The following MYRIP variants were observed in gnomAD, a reference collection of about 807,000 sequenced individuals.
MYRIP encodes the protein rab effector MyRIP.
MYRIP carries 49 observed loss-of-function variants against 98.0 expected under a neutral mutation model. The observed-to-expected ratio is 0.50, with a 90% CI of 0.40 to 0.63. The LOEUF (loss-of-function observed/expected upper bound fraction) is 0.63, where lower values mean the gene tolerates loss of function less well. MYRIP is among the 30% of genes least tolerant of loss of function. The probability of loss-of-function intolerance (pLI) is 0.00; values close to 1 mark genes in which losing one functional copy is unlikely to be tolerated. For missense variants in MYRIP, 1,004 were observed against 1,058.2 expected, an observed-to-expected ratio of 0.95 and a Z score of 0.71; for synonymous variants, 404 against 409.5, an observed-to-expected ratio of 0.99 and a Z score of 0.16.
At chr3:40,012,597 G>A (rs1198700222) in intron 2 of MYRIP, among the ~76,000 whole-genome samples, 1 of 152,222 alleles carries the variant, frequency 6.6e-6, no homozygotes, top group Non-Finnish European at 1.5e-5. Flanking sequence ...GGTGGACTTA[G>A]TGAAGCAGAT....
chr3:40,069,147 A>G (rs1237188025), intron 3 of MYRIP, among the ~76,000 whole-genome samples: 4 of 152,180 alleles, frequency 2.6e-5, no homozygotes, highest in East Asian at 3.8e-4. Context: ...AAGTGGGTTC[A>G]GTAACACTAC....
intron 2 of MYRIP, among the ~76,000 whole-genome samples, chr3:39,997,908 A>C (rs191053009): frequency 6.6e-6 from 1 of 152,334 alleles, no homozygotes; most frequent in East Asian, 1.9e-4. Context: ...ATAATCCAGC[A>C]CATAAACAGA....
chr3:40,026,169 G>A (rs1392025985), intron 2 of MYRIP, among the ~76,000 whole-genome samples: 2 of 152,038 alleles, frequency 1.3e-5, no homozygotes, highest in Non-Finnish European at 1.5e-5. Flanking sequence ...TCTTTTCCTA[G>A]GGTCTTAATA....
intron 3 of MYRIP, among the ~76,000 whole-genome samples, chr3:40,066,125 C>T (rs571590607): frequency 1.1e-4 from 16 of 152,226 alleles, no homozygotes; most frequent in African/African-American, 2.2e-4. Flanking sequence ...CAGTGTTGCT[C>T]GTCATTTCAG....
chr3:39,886,624 A>C (rs565034303), intron 1 of MYRIP, among the ~76,000 whole-genome samples: 11 of 152,174 alleles, frequency 7.2e-5, no homozygotes, highest in African/African-American at 2.7e-4. Context: ...GGATCAATTC[A>C]ACAAGAAGAG....
intron 3 of MYRIP, among the ~76,000 whole-genome samples, chr3:40,087,604 T>A (rs997241119): frequency 6.6e-6 from 1 of 152,182 alleles, no homozygotes; most frequent in African/African-American, 2.4e-5. Flanking sequence ...TTTAACTAGT[T>A]CTCCAGGGGA....
At chr3:40,075,270 AGT>A (rs1330789105) in intron 3 of MYRIP, among the ~76,000 whole-genome samples, 1 of 152,242 alleles carries the variant, frequency 6.6e-6, no homozygotes, top group Non-Finnish European at 1.5e-5. Context: ...CTTACAAAAG[AGT>A]GGCAAAGATA....
chr3:40,127,094 A>G (rs1949539724), intron 3 of MYRIP, among the ~76,000 whole-genome samples: 2 of 152,244 alleles, frequency 1.3e-5, no homozygotes, highest in South Asian at 4.1e-4. Context: ...TGGTCCATAT[A>G]GAATAACAAC....
Position 40,074,136 on chromosome 3 carries a change from G to A in MYRIP, c.332+29865G>A, listed in dbSNP as rs565616831. Among the ~76,000 whole-genome samples the A allele has an allele frequency of 1.2e-3, 186 of 151,094 alleles. 2 individuals are homozygous for A. The South Asian group carries it at 0.035, about 28-fold the overall frequency. ...GTCACCCAGGTTGGAGTGCAGTGGC[G>A]CGATCTCGGCTCACTGCAAGCTCCA... On this transcript the variant is annotated intron_variant, in intron 3 of 16. Transcript: ENST00000302541.
rs183573517 is a variant in MYRIP at position 40,094,124 on chromosome 3, C to T, written c.332+49853C>T. Reference sequence around the variant, plus strand: ...CATGCCACAACTCCATCATCACAGACTGCTATCCAGTGAGTTTATGTCCAT... The same window carrying T: ...CATGCCACAACTCCATCATCACAGATTGCTATCCAGTGAGTTTATGTCCAT... On this transcript the variant is annotated intron_variant, in intron 3 of 16. Coordinates refer to ENST00000302541, the MANE Select transcript of MYRIP (RefSeq NM_015460.4). 7.9e-4 allele frequency among the ~76,000 whole-genome samples: 121 copies of T among 152,356 alleles called. 3 individuals carry two copies. The highest frequency in any genetic ancestry group is 7.9e-3 in the Admixed American group (121 of 15,304).
intron 1 of MYRIP, among the ~76,000 whole-genome samples, chr3:39,824,600 G>A (rs1006890645): frequency 3.9e-5 from 6 of 151,920 alleles, no homozygotes; most frequent in Non-Finnish European, 7.4e-5. Flanking sequence ...CTAGGAACCA[G>A]GTATTTTGTT....
chr3:40,136,647 C>T (rs1949779191), intron 3 of MYRIP, among the ~76,000 whole-genome samples: 1 of 151,366 alleles, frequency 6.6e-6, no homozygotes, highest in African/African-American at 2.4e-5. Flanking sequence ...AAACACTCCT[C>T]AGCAAATGTA....
intron 3 of MYRIP, among the ~76,000 whole-genome samples, chr3:40,123,674 T>C (rs1949456008): frequency 6.6e-6 from 1 of 152,208 alleles, no homozygotes; most frequent in Non-Finnish European, 1.5e-5. Flanking sequence ...CATTGTGAGC[T>C]GATCCCTCAA....
intron 1 of MYRIP, among the ~76,000 whole-genome samples, chr3:39,892,113 A>G (rs1399176399): frequency 3.3e-5 from 5 of 152,156 alleles, no homozygotes; most frequent in Non-Finnish European, 5.9e-5. Context: ...TTAAAAATTT[A>G]TATCTTTAAT....
In MYRIP at chr3:40,081,312, A is replaced by T. The variant is rs1948474664; in HGVS notation, c.332+37041A>T. Among the ~76,000 whole-genome samples the T allele has an allele frequency of 2.0e-5, 3 of 152,208 alleles. No individual in the cohort carries two copies. The South Asian group carries it at 6.2e-4, about 32-fold the overall frequency. On this transcript the variant is annotated intron_variant, in intron 3 of 16. Transcript: ENST00000302541. ...TCCTCAATTTTTGACTGCTTGTTAT[A>T]TCAATTACTGAAAAAGGCATTTCAA...
chr3:40,228,988 C>T (rs1952568094), intron 11 of MYRIP, among the ~76,000 whole-genome samples: 1 of 152,210 alleles, frequency 6.6e-6, no homozygotes, highest in Non-Finnish European at 1.5e-5. Flanking sequence ...AAGAGCATTC[C>T]TGATTATTCC....
intron 1 of MYRIP, among the ~76,000 whole-genome samples, chr3:39,823,018 C>CT (rs35819968): frequency 0.25 from 30,424 of 123,288 alleles, 4,264 homozygotes; most frequent in Middle Eastern, 0.35. Context: ...TCTTTTCTTC[C>CT]TTTTTTTTTT....
intron 3 of MYRIP, among the ~76,000 whole-genome samples, chr3:40,051,303 C>T (rs1304002514): frequency 2.0e-5 from 3 of 152,112 alleles, no homozygotes; most frequent in Non-Finnish European, 2.9e-5. Flanking sequence ...TAGCAACCAT[C>T]GACATCAAGA....
At chr3:39,983,078 T>C (rs965219297) in intron 2 of MYRIP, among the ~76,000 whole-genome samples, 6 of 152,218 alleles carry the variant, frequency 3.9e-5, no homozygotes, top group African/African-American at 1.2e-4. Flanking sequence ...GAAATTTACT[T>C]TTGATGAGGC....
Sources: allele counts gnomAD v4.1 joint callset (sites outside exome capture counted in the v4.1 genomes callset), GRCh38; gene constraint gnomAD v4.1.1; transcripts MANE v1.5; gene names NCBI Gene and HGNC (gene_info 2026-07-23, HGNC 2026-07-21).